RIC1: variants seen among roughly 807,000 people sequenced by gnomAD.
The protein encoded by RIC1 is RIC1 partner of RAB6A GEF complex.
In RIC1, 88 loss-of-function variants were observed where a neutral mutation model predicts 169.0. The observed-to-expected ratio is 0.52, with a 90% CI of 0.44 to 0.62. RIC1 has a LOEUF of 0.62. RIC1 is among the 20% of genes least tolerant of loss of function. The pLI is 0.00. For missense variants in RIC1, 1,877 were observed against 1,725.5 expected, an observed-to-expected ratio of 1.09 and a Z score of -1.56; for synonymous variants, 790 against 601.5, an observed-to-expected ratio of 1.31 and a Z score of -4.59.
intron 3 of RIC1, among the ~76,000 whole-genome samples, chr9:5,701,455 A>G (rs1822214686): frequency 6.6e-6 from 1 of 152,054 alleles, no homozygotes; most frequent in Non-Finnish European, 1.5e-5. Context: ...TCTACTAACA[A>G]TACAAAAATT....
intron 2 of RIC1, among the ~76,000 whole-genome samples, chr9:5,689,014 C>G (rs1821428084): frequency 6.9e-6 from 1 of 145,634 alleles, no homozygotes; most frequent in Non-Finnish European, 1.5e-5. Flanking sequence ...ATGTCATGAT[C>G]ATGTAATAGC....
intron 17 of RIC1, among the ~76,000 whole-genome samples, chr9:5,759,072 T>C (rs1826183285): frequency 6.6e-6 from 1 of 152,124 alleles, no homozygotes; most frequent in Non-Finnish European, 1.5e-5. Context: ...TAAAATTGGT[T>C]TTCTCCTTTA....
intron 16 of RIC1, 128 bp from the exon 17 acceptor site, chr9:5,757,185 G>A (rs1826061935): frequency 1.9e-6 from 2 of 1,059,602 alleles, no homozygotes; most frequent in African/African-American, 1.6e-5. Flanking sequence ...TATATGGGGA[G>A]AAGATGATAG....
At chr9:5,729,183 CCT>C (rs558440205) in intron 6 of RIC1, among the ~76,000 whole-genome samples, 34 of 152,242 alleles carry the variant, frequency 2.2e-4, no homozygotes, top group Admixed American at 1.8e-3. Context: ...ATTTTCTATC[CCT>C]GTTTTCAGTG....
chr9:5,737,750 C>G (rs985144385), intron 7 of RIC1, among the ~76,000 whole-genome samples: 1 of 151,212 alleles, frequency 6.6e-6, no homozygotes, highest in African/African-American at 2.4e-5. Flanking sequence ...GACTGGAAAC[C>G]TTACTGACAA....
intron 2 of RIC1, among the ~76,000 whole-genome samples, chr9:5,666,329 T>A (rs1819755498): frequency 6.6e-6 from 1 of 152,226 alleles, no homozygotes; most frequent in African/African-American, 2.4e-5. Context: ...TCTAATAATT[T>A]TTGTGTGCAT....
chr9:5,711,141 A>G (rs1348572003), intron 3 of RIC1, among the ~76,000 whole-genome samples: 1 of 152,146 alleles, frequency 6.6e-6, no homozygotes, highest in Non-Finnish European at 1.5e-5. Flanking sequence ...AACCCATCGG[A>G]TATATAAAAA....
chr9:5,647,473 A>G (rs1248285730), intron 1 of RIC1, among the ~76,000 whole-genome samples: 1 of 152,058 alleles, frequency 6.6e-6, no homozygotes, highest in African/African-American at 2.4e-5. Flanking sequence ...TTTGTGTCTA[A>G]TTTCTTTCAG....
chr9:5,689,089 C>T (rs956476227), intron 2 of RIC1, among the ~76,000 whole-genome samples: 1 of 130,342 alleles, frequency 7.7e-6, no homozygotes, highest in Admixed American at 9.0e-5. Flanking sequence ...CGCTCTGTCG[C>T]CCAGCGGGGA....
chr9:5,756,829 T>A (rs1444896871), intron 16 of RIC1, among the ~76,000 whole-genome samples: 1 of 152,220 alleles, frequency 6.6e-6, no homozygotes, highest in Non-Finnish European at 1.5e-5. Flanking sequence ...TTGTTGCTGC[T>A]GCACGTTGCC....
intron 1 of RIC1, among the ~76,000 whole-genome samples, chr9:5,633,957 C>T (rs1817846450): frequency 1.3e-5 from 2 of 152,116 alleles, no homozygotes; most frequent in African/African-American, 4.8e-5. Flanking sequence ...ATGAATTTGA[C>T]GTCTTTATAT....
chr9:5,687,675 ATATAT>A (rs1295281023), intron 2 of RIC1, among the ~76,000 whole-genome samples: 2 of 152,218 alleles, frequency 1.3e-5, no homozygotes, highest in African/African-American at 4.8e-5. Flanking sequence ...ATCAGGAAAC[ATATAT>A]TATACACATT....
At chr9:5,689,857 A>C in intron 2 of RIC1, 102 bp from the exon 3 acceptor site, 3 of 730,902 alleles carry the variant, frequency 4.1e-6, no homozygotes, top group Non-Finnish European at 4.5e-6. Flanking sequence ...AGGGTATTGG[A>C]GAATAAATTT....
Position 5,753,518 on chromosome 9 carries a change from ATTT to A in RIC1, c.1492-9_1492-7del. ...TATAGGTTTGCAAGGAAAAGTTCTT[ATTT>A]TTTTTTTTAAACAGTTTTCAGCTAT... On this transcript the variant is annotated splice_polypyrimidine_tract_variant and intron_variant, in intron 13 of 25. Coordinates refer to ENST00000414202, the MANE Select transcript of RIC1 (RefSeq NM_020829.4). The A allele has an allele frequency of 8.0e-7, 1 of 1,249,444 alleles. No individual in the cohort carries two copies. Among genetic ancestry groups the A allele is most frequent in the Non-Finnish European group, 1.1e-6 (1 of 907,066 alleles). The allele number at this position is 1,249,444 out of a possible 1,614,324, so 77.4% of individuals were successfully genotyped here.
intron 1 of RIC1, among the ~76,000 whole-genome samples, chr9:5,647,092 T>A (rs1818555599): frequency 6.6e-6 from 1 of 152,198 alleles, no homozygotes; most frequent in Admixed American, 6.5e-5. Context: ...TTGAATGGTC[T>A]AGGTAGCCTT....
chr9:5,652,628 A>C (rs539714061), intron 1 of RIC1, among the ~76,000 whole-genome samples: 40 of 151,946 alleles, frequency 2.6e-4, no homozygotes, highest in African/African-American at 7.7e-4. Flanking sequence ...TATATGTAAG[A>C]TTGTGTTACC....
chr9:5,680,447 T>A (rs1265163983), intron 2 of RIC1, among the ~76,000 whole-genome samples: 1 of 152,224 alleles, frequency 6.6e-6, no homozygotes, highest in African/African-American at 2.4e-5. Flanking sequence ...TCTGGTAGAA[T>A]TCAGCTGTGA....
At chr9:5,654,583 A>G (rs935103263) in intron 1 of RIC1, among the ~76,000 whole-genome samples, 1 of 152,060 alleles carries the variant, frequency 6.6e-6, no homozygotes, top group East Asian at 2.0e-4. Flanking sequence ...TCTGTTGCCT[A>G]GGGTGGAGTG....
chr9:5,743,918 G>A (rs1321481250), intron 10 of RIC1, among the ~76,000 whole-genome samples, 181 bp downstream of exon 10: 1 of 151,992 alleles, frequency 6.6e-6, no homozygotes, highest in Non-Finnish European at 1.5e-5. Context: ...CCTGCCTCAA[G>A]CTTCCAAGTA....
Sources: gnomAD v4.1 joint callset for allele counts (sites outside exome capture counted in the v4.1 genomes callset) on GRCh38, gnomAD v4.1.1 for gene constraint, MANE v1.5 for transcripts, NCBI Gene and HGNC (gene_info 2026-07-23, HGNC 2026-07-21) for gene names.